TICAM1: variants seen among roughly 807,000 people sequenced by gnomAD.
TICAM1 encodes the protein TIR domain containing adaptor molecule 1.
For synonymous variants in TICAM1, 439 were observed against 415.4 expected, an observed-to-expected ratio of 1.06 and a Z score of -0.69; for missense variants, 895 against 938.2, an observed-to-expected ratio of 0.95 and a Z score of 0.60.
chr19:4,825,022 G>A (rs2093603437), intron 1 of TICAM1, among the ~76,000 whole-genome samples: 1 of 152,128 alleles, frequency 6.6e-6, no homozygotes, highest in Admixed American at 6.6e-5. Flanking sequence ...GCTCACGCCT[G>A]TAATCCTAGC....
chr19:4,830,335 C>T (rs1481341587), intron 1 of TICAM1, among the ~76,000 whole-genome samples: 3 of 152,042 alleles, frequency 2.0e-5, no homozygotes, highest in African/African-American at 7.2e-5. Context: ...GCCTCAGCCT[C>T]CCAAAGTGTT....
At position 4,817,219 on chromosome 19, in the gene TICAM1, CCAGGGAGGAAGGGAA is replaced by C; in HGVS notation, c.1144_1158del (p.Phe382_Leu386del). ...TAGAATTTCTGTTCCGATGATGATT[CCAGGGAGGAAGGGAA>C]CAGGGAGGAGGGGGTCAGGTGAGCT... On this transcript the variant is annotated inframe_deletion, in exon 2 of 2. Transcript: ENST00000248244. This position sits in a 1 kb window ranked among gnomAD's most constrained non-coding sequence, Gnocchi z 4.7. 2 of 1,612,874 alleles carry C rather than the reference CCAGGGAGGAAGGGAA, an allele frequency of 1.2e-6. No homozygotes were observed. Among genetic ancestry groups the C allele is most frequent in the Non-Finnish European group, 1.7e-6 (2 of 1,179,768 alleles).
rs769147928 is a variant in TICAM1 at position 4,816,791 on chromosome 19, C to T, written c.1587G>A (p.Lys529=). Residue 529 remains lysine, a synonymous_variant, in exon 2 of 2, where the codon AAG becomes AAA. Coordinates refer to ENST00000248244, the MANE Select transcript of TICAM1 (RefSeq NM_182919.4). This position sits in a 1 kb window ranked among gnomAD's most constrained non-coding sequence, Gnocchi z 4.3. ...IFARKVANTF[K]PHRLQARKAM... Reference sequence around the variant, plus strand: ...CCTTTCGGGCCTGAAGCCTGTGGGGCTTGAAGGTGTTGGCCACCTTCCTGG... The same window carrying T: ...CCTTTCGGGCCTGAAGCCTGTGGGGTTTGAAGGTGTTGGCCACCTTCCTGG... 18 of 1,613,294 alleles carry T rather than the reference C, an allele frequency of 1.1e-5. No individual in the cohort carries two copies. In the South Asian group the frequency reaches 1.8e-4, roughly 16 times the overall value.
intron 1 of TICAM1, among the ~76,000 whole-genome samples, chr19:4,820,503 T>C (rs1249773406): frequency 6.6e-6 from 1 of 151,488 alleles, no homozygotes; most frequent in Admixed American, 6.6e-5. Flanking sequence ...GGCAGGAGGA[T>C]TGCTTGAGCC....
chr19:4,819,651 T>C (rs1264568527), intron 1 of TICAM1, among the ~76,000 whole-genome samples: 1 of 152,030 alleles, frequency 6.6e-6, no homozygotes, highest in Non-Finnish European at 1.5e-5. Context: ...GGAGGGCGGC[T>C]CACCTGAGGT....
At position 4,817,191 on chromosome 19, in the gene TICAM1, T is replaced by G. The variant is rs2093587650; in HGVS notation, c.1187A>C (p.Asn396Thr). The change falls in exon 2 of 2, where the codon AAC (asparagine) becomes ACC (threonine). Residue 396 changes from asparagine (N) to threonine (T), a missense_variant. Physicochemically the swap from Asn to Thr is moderately conservative, Grantham distance 65 (BLOSUM62 0). Coordinates refer to ENST00000248244, the MANE Select transcript of TICAM1 (RefSeq NM_182919.4). The surrounding 1 kb of genome is among the most constrained non-coding windows in gnomAD (Gnocchi z 4.7). ...LESSSEQKFY[N>T]FVILHARADE... ...TGCCCTGGCGTGGAGGATCACAAAG[T>G]TATAGAATTTCTGTTCCGATGATGA... 6.2e-7 allele frequency: 1 copy of G among 1,613,726 alleles called. No homozygotes were observed. The highest frequency in any genetic ancestry group is 8.5e-7 in the Non-Finnish European group (1 of 1,179,964).
At chr19:4,829,293 T>A (rs2093610378) in intron 1 of TICAM1, among the ~76,000 whole-genome samples, 1 of 152,164 alleles carries the variant, frequency 6.6e-6, no homozygotes, top group Non-Finnish European at 1.5e-5. Flanking sequence ...CATCTCCACC[T>A]GAATGCCTGG....
At position 4,816,313 on chromosome 19, in the gene TICAM1, G is replaced by T. The variant is rs1378908682; in HGVS notation, c.2065C>A (p.Leu689Met). Residue 689 changes from leucine to methionine, a missense_variant, in exon 2 of 2, where the codon CTG becomes ATG. Transcript: ENST00000248244. The surrounding 1 kb of genome is among the most constrained non-coding windows in gnomAD (Gnocchi z 4.3). The stretch of plus-strand genomic sequence containing the variant: ...TTCCACATGTGGTTGTTCAGCCCCA[G>T]CTGTACCATCTGTGCGTGGTGGATA... ...LIIHHAQMVQ[L>M]GLNNHMWNQR... 30 of 1,548,808 alleles carry T rather than the reference G, an allele frequency of 1.9e-5. No homozygotes were observed. Among genetic ancestry groups the T allele is most frequent in the Non-Finnish European group, 2.2e-5 (25 of 1,149,768 alleles).
chr19:4,820,613 C>A (rs1181970196), intron 1 of TICAM1, among the ~76,000 whole-genome samples: 1 of 151,654 alleles, frequency 6.6e-6, no homozygotes, highest in African/African-American at 2.4e-5. Context: ...GCCTGTAATC[C>A]CAGTGCTTTG....
chr19:4,816,454 G>C lies in TICAM1; in HGVS notation c.1924C>G (p.Pro642Ala), dbSNP rs779591355. 1.9e-6 allele frequency: 3 copies of C among 1,554,836 alleles called. No individual in the cohort carries two copies. The highest frequency in any genetic ancestry group is 1.7e-6 in the Non-Finnish European group (2 of 1,152,060). Residue 642 changes from proline (P) to alanine (A), a missense_variant, in exon 2 of 2, where the codon CCA becomes GCA. Physicochemically the swap from Pro to Ala is conservative, Grantham distance 27. Coordinates refer to ENST00000248244, the MANE Select transcript of TICAM1 (RefSeq NM_182919.4). The surrounding 1 kb of genome is among the most constrained non-coding windows in gnomAD (Gnocchi z 4.3). ...GCTGCTGGCTGTGGGGAGGGCGGTGGGGGGGTGCCAGCCTGCCATGCGTGC... is the reference window on the plus strand; with the variant it reads ...GCTGCTGGCTGTGGGGAGGGCGGTGCGGGGGTGCCAGCCTGCCATGCGTGC... ...PLHAWQAGTP[P>A]PPSPQPAAFP... is the part of the protein sequence containing the mutation.
In TICAM1 at chr19:4,817,109, G is replaced by A. The variant is rs1424286300; in HGVS notation, c.1269C>T (p.Asp423=). 2 of 1,614,118 alleles carry A rather than the reference G, an allele frequency of 1.2e-6. No homozygotes were observed. The highest frequency in any genetic ancestry group is 2.2e-5 in the East Asian group (1 of 44,870). ...GGAAATCCTCGCAGAAGGTGGCCCCGTCGGGCACGCCAAGGGCCTCCAGCT... is the reference window on the plus strand; with the variant it reads ...GGAAATCCTCGCAGAAGGTGGCCCCATCGGGCACGCCAAGGGCCTCCAGCT... ...REKLEALGVP[D]GATFCEDFQV... is the part of the protein sequence containing the mutation. The change falls in exon 2 of 2, where the codon GAC becomes GAT. Residue 423 remains aspartate (D), a synonymous_variant. Coordinates refer to ENST00000248244, the MANE Select transcript of TICAM1 (RefSeq NM_182919.4). This position sits in a 1 kb window ranked among gnomAD's most constrained non-coding sequence, Gnocchi z 4.7.
chr19:4,817,528 A>G lies in TICAM1; in HGVS notation c.850T>C (p.Ser284Pro). Residue 284 changes from serine (S) to proline (P), a missense_variant, in exon 2 of 2, where the codon TCC (serine) becomes CCC (proline). Physicochemically the swap from Ser to Pro is moderately conservative, Grantham distance 74. Transcript: ENST00000248244. The surrounding 1 kb of genome is among the most constrained non-coding windows in gnomAD (Gnocchi z 4.7). ...GLPEVAPDAT[S>P]TGLPDTPAAP... The stretch of plus-strand genomic sequence containing the variant: ...GCGGGGGTATCAGGGAGGCCAGTGG[A>G]GGTTGCATCTGGGGCCACTTCGGGA... The G allele has an allele frequency of 6.2e-7, 1 of 1,613,428 alleles. No homozygotes were observed. Among genetic ancestry groups the G allele is most frequent in the East Asian group, 2.2e-5 (1 of 44,844 alleles).
intron 1 of TICAM1, among the ~76,000 whole-genome samples, chr19:4,829,683 T>C (rs985575260): frequency 3.9e-5 from 6 of 152,110 alleles, no homozygotes; most frequent in African/African-American, 9.7e-5. Flanking sequence ...TTAAAAAGTT[T>C]AGATCAGTGC....
chr19:4,816,633 G>A lies in TICAM1; in HGVS notation c.1745C>T (p.Ala582Val). 1 of 1,614,154 alleles carries A rather than the reference G, an allele frequency of 6.2e-7. No individual in the cohort carries two copies. Among genetic ancestry groups the A allele is most frequent in the Non-Finnish European group, 8.5e-7 (1 of 1,180,034 alleles). Reference protein sequence around the residue: ...AYLQSYLSYQAQMEQLQVAFG... With the variant: ...AYLQSYLSYQVQMEQLQVAFG... The stretch of plus-strand genomic sequence containing the variant: ...AGCCACCTGGAGCTGCTCCATCTGT[G>A]CCTGGTAGGACAAGTAGCTCTGGAG... The change falls in exon 2 of 2, where the codon GCA (alanine) becomes GTA (valine). Residue 582 changes from alanine to valine, a missense_variant. Ala to Val is a moderately conservative substitution (Grantham distance 64). Transcript: ENST00000248244. This position sits in a 1 kb window ranked among gnomAD's most constrained non-coding sequence, Gnocchi z 4.3.
Position 4,827,393 on chromosome 19 carries a change from A to AAAAAG in TICAM1, c.-140+4220_-140+4221insCTTTT, listed in dbSNP as rs1157861985. On this transcript the variant is annotated intron_variant, in intron 1 of 1. Transcript: ENST00000248244. ...TCTCCAAAAAAAAAAAAAAAAAAAA[A>AAAAAG]AAAAAAAAAAGAAAAAGGCCAGATG... 5.9e-3 allele frequency among the ~76,000 whole-genome samples: 851 copies of AAAAAG among 144,866 alleles called. 7 individuals carry two copies. The highest frequency in any genetic ancestry group is 9.3e-3 in the South Asian group (44 of 4,712).
At position 4,818,288 on chromosome 19, in the gene TICAM1, C is replaced by T. The variant is rs201616584; in HGVS notation, c.90G>A (p.Leu30=). ...QDKLLYLKHK[L]KTPRPGCQGQ... ...CCTGGCAGCCTGGGCGTGGGGTCTTCAGTTTGTGCTTCAGATACAAGAGCT... is the reference window on the plus strand; with the variant it reads ...CCTGGCAGCCTGGGCGTGGGGTCTTTAGTTTGTGCTTCAGATACAAGAGCT... The change falls in exon 2 of 2, where the codon CTG becomes CTA. Residue 30 remains leucine (L), a synonymous_variant. Coordinates refer to ENST00000248244, the MANE Select transcript of TICAM1 (RefSeq NM_182919.4). This position sits in a 1 kb window ranked among gnomAD's most constrained non-coding sequence, Gnocchi z 4.0. 4 of 1,612,856 alleles carry T rather than the reference C, an allele frequency of 2.5e-6. No individual in the cohort carries two copies. The East Asian group carries it at 6.7e-5, about 27-fold the overall frequency.
intron 1 of TICAM1, among the ~76,000 whole-genome samples, chr19:4,819,989 A>ACAGAATATGGCAAGGGAGC (rs1385561959): frequency 6.6e-6 from 1 of 152,174 alleles, no homozygotes; most frequent in Non-Finnish European, 1.5e-5. Flanking sequence ...TATGACATTA[A>ACAGAATATGGCAAGGGAGC]CAGAATATGG....
rs11466719 is a variant in TICAM1, at chr19:4,818,155, G to T, written c.223C>A (p.Arg75Ser). The T allele has an allele frequency of 1.4e-5, 23 of 1,609,320 alleles. No individual in the cohort carries two copies. Among genetic ancestry groups the T allele is most frequent in the Non-Finnish European group, 1.9e-5 (23 of 1,179,574 alleles). Residue 75 changes from arginine (R) to serine (S), a missense_variant, in exon 2 of 2, where the codon CGC becomes AGC. Coordinates refer to ENST00000248244, the MANE Select transcript of TICAM1 (RefSeq NM_182919.4). The surrounding 1 kb of genome is among the most constrained non-coding windows in gnomAD (Gnocchi z 4.0). ...GTGCTGTCCACGCCAGCCCACTGGC[G>T]GGCCACCAGCCGGGCCACCGCATCG... ...KADAVARLVA[R>S]QWAGVDSTED...
rs1378511538 is a variant in TICAM1 at position 4,816,128 on chromosome 19, C to A, written c.*111G>T. Reference sequence around the variant, plus strand: ...ACAATGTCCTGAAAGTGGCAGATGACCTCATCTTCCACTGTCCACAGGGCA... The same window carrying A: ...ACAATGTCCTGAAAGTGGCAGATGAACTCATCTTCCACTGTCCACAGGGCA... On this transcript the variant is annotated 3_prime_UTR_variant, in exon 2 of 2. Coordinates refer to ENST00000248244, the MANE Select transcript of TICAM1 (RefSeq NM_182919.4). The surrounding 1 kb of genome is among the most constrained non-coding windows in gnomAD (Gnocchi z 4.3). The A allele has an allele frequency of 3.0e-6, 4 of 1,335,064 alleles. No individual in the cohort carries two copies. The highest frequency in any genetic ancestry group is 3.8e-6 in the Non-Finnish European group (4 of 1,043,246). 82.7% of individuals were successfully genotyped at this position (1,335,064 alleles called of 1,614,324 possible).
Sources: gnomAD v4.1 joint callset for allele counts (sites outside exome capture counted in the v4.1 genomes callset) on GRCh38, gnomAD v4.1.1 for gene constraint, Gnocchi (gnomAD v3.1) non-coding constraint, MANE v1.5 for transcripts, NCBI Gene and HGNC (gene_info 2026-07-23, HGNC 2026-07-21) for gene names.